The following DICER1 variants were observed in gnomAD, a reference collection of about 807,000 sequenced individuals.
DICER1 encodes endoribonuclease Dicer.
DICER1 carries 43 observed loss-of-function variants against 194.1 expected under a neutral mutation model. That is an observed-to-expected ratio of 0.22 (90% confidence interval 0.17 to 0.29). DICER1 has a LOEUF of 0.29. Ranked by LOEUF, DICER1 falls within the 10% of genes least tolerant of loss-of-function variation. DICER1 has a pLI of 1.00. For missense variants in DICER1, 1,608 were observed against 2,317.0 expected (o/e 0.69, Z 6.28); for synonymous variants, 832 against 820.5 (o/e 1.01, Z -0.24).
At chr14:95,097,195 A>T (rs1281026389) in intron 22 of DICER1, among the ~76,000 whole-genome samples, 1 of 152,232 alleles carries the variant, frequency 6.6e-6, no homozygotes, top group Admixed American at 6.5e-5. Context: ...TTACCTTTGC[A>T]ATTAAGAATA....
chr14:95,116,957 A>G (rs182459380), intron 9 of DICER1, among the ~76,000 whole-genome samples: 31 of 152,334 alleles, frequency 2.0e-4, no homozygotes, highest in Non-Finnish European at 3.2e-4. Context: ...TCAGACAGTT[A>G]TATCTATCAG....
chr14:95,087,682 T>A lies in DICER1; in HGVS notation c.*2816A>T. 4.3e-6 allele frequency: 1 copy of A among 233,198 alleles called. No homozygotes were observed. The allele number at this position is 233,198 out of a possible 1,614,324, so 14.4% of individuals were successfully genotyped here. A position where few individuals can be genotyped will look rare whatever the true frequency, so the allele number is the denominator to read the frequency against. On this transcript the variant is annotated 3_prime_UTR_variant, in exon 27 of 27. Transcript: ENST00000343455. ...CATAGTTAGGACTGCGGAAAGCATA[T>A]TATAAAAGAAATTTTAAAAAATTTA...
chr14:95,116,322 G>A, intron 10 of DICER1, 131 bp downstream of exon 10: 1 of 1,141,112 alleles, frequency 8.8e-7, no homozygotes, highest in Non-Finnish European at 1.3e-6. Flanking sequence ...TGTACACAGA[G>A]TACACCTCTT....
intron 8 of DICER1, among the ~76,000 whole-genome samples, chr14:95,121,095 C>T (rs1008652585): frequency 2.0e-5 from 3 of 152,040 alleles, no homozygotes; most frequent in African/African-American, 4.8e-5. Context: ...CTTCCATATC[C>T]GATCACCCCA....
intron 6 of DICER1, chr14:95,129,022 T>C (rs1402997212): frequency 6.4e-6 from 1 of 156,038 alleles, no homozygotes; most frequent in Non-Finnish European, 1.4e-5. Flanking sequence ...AAACAGCAAC[T>C]TTCTCTGAAA....
At chr14:95,115,579 C>A (rs372190360) in intron 11 of DICER1, 88 bp downstream of exon 11, 3 of 1,466,676 alleles carry the variant, frequency 2.0e-6, no homozygotes, top group Non-Finnish European at 2.9e-6. Context: ...CTGGTAACCG[C>A]AAAATGTCAA....
rs764751044 is a variant in DICER1 at position 95,112,146 on chromosome 14, C to T, written c.2116+26G>A. On this transcript the variant is annotated intron_variant, in intron 13 of 26. Transcript: ENST00000343455. ...ACAATGGTTGCAATTTATTTTCATTCGTATATGCTTTTCAAACATCCTTAC... is the reference window on the plus strand; with the variant it reads ...ACAATGGTTGCAATTTATTTTCATTTGTATATGCTTTTCAAACATCCTTAC... The T allele has an allele frequency of 1.9e-5, 30 of 1,594,356 alleles. No individual in the cohort carries two copies. The highest frequency in any genetic ancestry group is 1.3e-4 in the East Asian group (6 of 44,782).
At chr14:95,154,190 G>C (rs187196716) in intron 1 of DICER1, among the ~76,000 whole-genome samples, 3 of 152,296 alleles carry the variant, frequency 2.0e-5, no homozygotes, top group African/African-American at 7.2e-5. Context: ...TCGTAAAAAG[G>C]AGTCGACCCT....
rs1893934786 is a variant in DICER1 at position 95,131,384 on chromosome 14, G to A, written c.438+125C>T. On this transcript the variant is annotated intron_variant, in intron 4 of 26. Transcript: ENST00000343455. ...TATAGTACATCAGGACTAGCTTCTA[G>A]GCTGATTAAGTATAGGAAATTAGTT... 4.5e-6 allele frequency: 4 copies of A among 892,046 alleles called. No homozygotes were observed. In the Admixed American group the frequency reaches 8.0e-5, roughly 18 times the overall value. 55.3% of individuals were successfully genotyped at this position (892,046 alleles called of 1,614,324 possible).
rs201536906 is a variant in DICER1 at position 95,097,839 on chromosome 14, A to AT, written c.4207-1127dup. 6.2e-3 allele frequency among the ~76,000 whole-genome samples: 941 copies of AT among 152,268 alleles called. 11 individuals are homozygous for AT. Among genetic ancestry groups the AT allele is most frequent in the African/African-American group, 0.021 (877 of 41,548 alleles). Reference sequence around the variant, plus strand: ...CATATCTCTAACTATTTATCTTTTCATTTTTTTAATTAAGAAAGAAACACC... The same window carrying AT: ...CATATCTCTAACTATTTATCTTTTCATTTTTTTTAATTAAGAAAGAAACACC... On this transcript the variant is annotated intron_variant, in intron 22 of 26. Coordinates refer to ENST00000343455, the MANE Select transcript of DICER1 (RefSeq NM_177438.3).
chr14:95,096,449 T>C lies in DICER1; in HGVS notation c.4471A>G (p.Ser1491Gly). 6.2e-7 allele frequency: 1 copy of C among 1,614,202 alleles called. No individual in the cohort carries two copies. The highest frequency in any genetic ancestry group is 1.1e-5 in the South Asian group (1 of 91,084). The part of the protein sequence containing the change: ...WKMPKKSSLG[S>G]MPFSSDFEDF... Reference sequence around the variant, plus strand: ...TCAAAATCTGATGAAAATGGCATACTACCTAAGGAGGATTTTTTGGGCATT... The same window carrying C: ...TCAAAATCTGATGAAAATGGCATACCACCTAAGGAGGATTTTTTGGGCATT... The change falls in exon 23 of 27, where the codon AGT becomes GGT. Residue 1491 changes from serine to glycine, a missense_variant. By Grantham distance (56) the Ser-to-Gly change is moderately conservative. Transcript: ENST00000343455.
intron 1 of DICER1, among the ~76,000 whole-genome samples, chr14:95,138,325 T>C (rs1206419597): frequency 6.9e-6 from 1 of 144,348 alleles, no homozygotes; most frequent in Non-Finnish European, 1.5e-5. Context: ...AGAAAAAAAG[T>C]GGAAAAAAAA....
intron 6 of DICER1, 64 bp downstream of exon 6, chr14:95,129,408 C>CT: frequency 6.5e-7 from 1 of 1,527,534 alleles, no homozygotes; most frequent in Non-Finnish European, 9.1e-7. Flanking sequence ...ACTACAAAAA[C>CT]ACCAAAGACT....
intron 23 of DICER1, among the ~76,000 whole-genome samples, chr14:95,094,712 T>C (rs1448243706): frequency 6.6e-6 from 1 of 152,122 alleles, no homozygotes; most frequent in Non-Finnish European, 1.5e-5. Context: ...ATTATAGAAA[T>C]GAATTTACCA....
chr14:95,132,562 C>T lies in DICER1; in HGVS notation c.260G>A (p.Gly87Glu). The change falls in exon 3 of 27, where the codon GGA becomes GAA. Residue 87 changes from glycine to glutamate, a missense_variant. Gly to Glu is a moderately conservative substitution (Grantham distance 98). Around this residue, in one of 10 missense-constraint regions of DICER1, gnomAD observed 657 missense variants for 910.1 expected, o/e 0.72. Transcript: ENST00000343455. ...CCTTTTTCCATTTCTGCTGAAGTCTCCCCTGATCTGATAGGACAGCTCTTT... is the reference window on the plus strand; with the variant it reads ...CCTTTTTCCATTTCTGCTGAAGTCTTCCCTGATCTGATAGGACAGCTCTTT... ...LTKELSYQIRGDFSRNGKRTV... is the reference protein window; with the variant it reads ...LTKELSYQIREDFSRNGKRTV... 1 of 1,613,974 alleles carries T rather than the reference C, an allele frequency of 6.2e-7. No homozygotes were observed. Among genetic ancestry groups the T allele is most frequent in the Non-Finnish European group, 8.5e-7 (1 of 1,179,932 alleles).
At chr14:95,136,086 T>TACACACACACACACAC (rs144415862) in intron 1 of DICER1, among the ~76,000 whole-genome samples, 11 of 146,652 alleles carry the variant, frequency 7.5e-5, no homozygotes, top group South Asian at 6.7e-4. Context: ...TACATGTAGA[T>TACACACACACACACAC]ACACACACAC....
At position 95,103,589 on chromosome 14, in the gene DICER1, T is replaced by A; in HGVS notation, c.3807A>T (p.Gln1269His). The A allele has an allele frequency of 6.2e-7, 1 of 1,614,194 alleles. No homozygotes were observed. The highest frequency in any genetic ancestry group is 8.5e-7 in the Non-Finnish European group (1 of 1,180,030). ...CAGAATCCATCCTGCCCTTGAGCAC[T>A]TGAATAGTGTCTGTCGTACCAGGCA... ...AVMPGTTDTIQVLKGRMDSEQ... is the reference protein window; with the variant it reads ...AVMPGTTDTIHVLKGRMDSEQ... Residue 1269 changes from glutamine to histidine, a missense_variant, in exon 21 of 27, where the codon CAA (glutamine) becomes CAT (histidine). Gln to His is a conservative substitution (Grantham distance 24). Around this residue, in one of 10 missense-constraint regions of DICER1, gnomAD observed 222 missense variants for 215.5 expected, o/e 1.03. Coordinates refer to ENST00000343455, the MANE Select transcript of DICER1 (RefSeq NM_177438.3).
Position 95,105,864 on chromosome 14 carries a change from G to A in DICER1, c.2988-81C>T, listed in dbSNP as rs542576189. On this transcript the variant is annotated intron_variant, in intron 18 of 26. Transcript: ENST00000343455. The surrounding 1 kb of genome is among the most constrained non-coding windows in gnomAD (Gnocchi z 4.9). ...AGTGGTTCTCCAAAAACCACCTGAA[G>A]AGCTCATTTCAACTACAGCCTCTTG... is the stretch of plus-strand genomic sequence containing the variant. 1 of 1,422,322 alleles carries A rather than the reference G, an allele frequency of 7.0e-7. No individual in the cohort carries two copies. The highest frequency in any genetic ancestry group is 2.3e-5 in the East Asian group (1 of 43,766). 88.1% of individuals were successfully genotyped at this position (1,422,322 alleles called of 1,614,324 possible). A position where few individuals can be genotyped will look rare whatever the true frequency, so the allele number is the denominator to read the frequency against.
At chr14:95,101,219 C>A (rs1331656593) in intron 21 of DICER1, among the ~76,000 whole-genome samples, 4 of 152,184 alleles carry the variant, frequency 2.6e-5, no homozygotes, top group Admixed American at 1.3e-4. Flanking sequence ...CAATGAGCTG[C>A]AAGGGGCTTC....
Sources: gnomAD v4.1 joint callset for allele counts (sites outside exome capture counted in the v4.1 genomes callset) on GRCh38, gnomAD v4.1.1 for gene constraint, gnomAD v4.1.1 regional missense constraint, Gnocchi (gnomAD v3.1) non-coding constraint, MANE v1.5 for transcripts, NCBI Gene and HGNC (gene_info 2026-07-23, HGNC 2026-07-21) for gene names.